The following GRM7 variants were observed in gnomAD, a reference collection of about 807,000 sequenced individuals.
GRM7 encodes glutamate metabotropic receptor 7.
Under a neutral mutation model 84.5 loss-of-function variants are expected in GRM7, and 35 were observed. The ratio of observed to expected loss-of-function variants is 0.41; its 90% CI spans 0.32 to 0.55. The LOEUF (loss-of-function observed/expected upper bound fraction) is 0.55. GRM7 is among the 20% of genes least tolerant of loss of function. GRM7 has a pLI of 0.19. For missense variants in GRM7, 1,003 were observed against 1,194.6 expected (o/e 0.84, Z 2.36); for synonymous variants, 487 against 455.1 (o/e 1.07, Z -0.89).
At chr3:7,391,924 GA>G (rs2125143615) in intron 4 of GRM7, among the ~76,000 whole-genome samples, 1 of 152,248 alleles carries the variant, frequency 6.6e-6, no homozygotes, top group Non-Finnish European at 1.5e-5. Context: ...CCCAGGCCCT[GA>G]TGGGAAGAGG....
At chr3:7,677,294 A>C (rs948902895) in intron 8 of GRM7, among the ~76,000 whole-genome samples, 3 of 150,324 alleles carry the variant, frequency 2.0e-5, no homozygotes, top group African/African-American at 4.9e-5. Flanking sequence ...AAAAAAAAAA[A>C]CTTACATATT....
chr3:7,236,017 A>C (rs1270351499), intron 2 of GRM7, among the ~76,000 whole-genome samples: 1 of 152,176 alleles, frequency 6.6e-6, no homozygotes, highest in East Asian at 1.9e-4. Flanking sequence ...CAGACACTGC[A>C]TCTGGTGGGA....
intron 1 of GRM7, among the ~76,000 whole-genome samples, chr3:7,077,810 A>G (rs911348152): frequency 6.6e-6 from 1 of 152,158 alleles, no homozygotes; most frequent in African/African-American, 2.4e-5. Context: ...AATGGGAGCT[A>G]TTATTTTTAA....
Position 7,298,847 on chromosome 3 carries a change from T to G in GRM7, c.878+22T>G, listed in dbSNP as rs753854033. The G allele has an allele frequency of 1.9e-6, 3 of 1,603,188 alleles. No individual in the cohort carries two copies. In the South Asian group the frequency reaches 3.3e-5, roughly 18 times the overall value. ...TAAAGTAAGAATAACTGGTGACAATTGTTAATATGCATGTTGCAATTTTAG... is the reference window on the plus strand; with the variant it reads ...TAAAGTAAGAATAACTGGTGACAATGGTTAATATGCATGTTGCAATTTTAG... On this transcript the variant is annotated intron_variant, in intron 3 of 9. Transcript: ENST00000357716.
At chr3:7,032,327 A>G (rs1230201618) in intron 1 of GRM7, among the ~76,000 whole-genome samples, 1 of 152,178 alleles carries the variant, frequency 6.6e-6, no homozygotes, top group Non-Finnish European at 1.5e-5. Flanking sequence ...CCTGTGAGTT[A>G]TTTGGTTAGA....
intron 7 of GRM7, among the ~76,000 whole-genome samples, chr3:7,481,704 A>G (rs551379946): frequency 6.6e-6 from 1 of 152,316 alleles, no homozygotes; most frequent in South Asian, 2.1e-4. Context: ...CAGGAAAGTA[A>G]AAGAACTCTT....
intron 7 of GRM7, among the ~76,000 whole-genome samples, chr3:7,542,875 A>C (rs1251527227): frequency 2.0e-5 from 3 of 152,170 alleles, no homozygotes; most frequent in South Asian, 4.1e-4. Context: ...TTATAAATAA[A>C]TTATAAATTT....
intron 2 of GRM7, among the ~76,000 whole-genome samples, chr3:7,265,795 T>C (rs561329911): frequency 6.6e-6 from 1 of 152,314 alleles, no homozygotes; most frequent in South Asian, 2.1e-4. Context: ...CTTTCTTTGT[T>C]CCTTTCTAAG....
intron 1 of GRM7, among the ~76,000 whole-genome samples, chr3:7,065,758 T>G (rs1258511643): frequency 6.6e-6 from 1 of 151,886 alleles, no homozygotes; most frequent in East Asian, 1.9e-4. Flanking sequence ...GAGATTGCAT[T>G]GAATTTGTAG....
chr3:7,183,154 A>C (rs1365073561), intron 2 of GRM7, among the ~76,000 whole-genome samples: 1 of 152,086 alleles, frequency 6.6e-6, no homozygotes, highest in Non-Finnish European at 1.5e-5. Context: ...TATTTTTCAA[A>C]GTTTCACGTA....
intron 4 of GRM7, among the ~76,000 whole-genome samples, chr3:7,355,499 C>T (rs973306110): frequency 1.3e-5 from 2 of 152,068 alleles, no homozygotes; most frequent in South Asian, 2.1e-4. Flanking sequence ...GTAGGTGAAT[C>T]GCAGCAGATG....
intron 1 of GRM7, among the ~76,000 whole-genome samples, chr3:7,003,104 G>T (rs979583028): frequency 2.0e-5 from 3 of 152,116 alleles, no homozygotes; most frequent in African/African-American, 7.2e-5. Flanking sequence ...AAGTGGGATG[G>T]GGAATCTGGA....
intron 2 of GRM7, among the ~76,000 whole-genome samples, chr3:7,198,040 T>C (rs1468111571): frequency 6.6e-6 from 1 of 151,974 alleles, no homozygotes; most frequent in East Asian, 1.9e-4. Context: ...GGTTTTGTTT[T>C]GGAAGTAGTG....
At chr3:7,324,746 G>A (rs965814457) in intron 4 of GRM7, among the ~76,000 whole-genome samples, 3 of 151,812 alleles carry the variant, frequency 2.0e-5, no homozygotes, top group Non-Finnish European at 4.4e-5. Flanking sequence ...TCAAGTTCCC[G>A]GGAACCATCT....
At chr3:7,297,585 A>C (rs2125019737) in intron 2 of GRM7, among the ~76,000 whole-genome samples, 1 of 152,286 alleles carries the variant, frequency 6.6e-6, no homozygotes, top group African/African-American at 2.4e-5. Context: ...AGCTAACACT[A>C]ATTGGGATTC....
intron 8 of GRM7, among the ~76,000 whole-genome samples, chr3:7,655,659 TC>T (rs913341402): frequency 1.3e-5 from 2 of 152,154 alleles, no homozygotes; most frequent in African/African-American, 4.8e-5. Flanking sequence ...GGCATCTATC[TC>T]CCTTACTACC....
At chr3:7,326,358 C>A (rs1223606691) in intron 4 of GRM7, among the ~76,000 whole-genome samples, 1 of 151,924 alleles carries the variant, frequency 6.6e-6, no homozygotes, top group East Asian at 1.9e-4. Context: ...CTTTTATGTT[C>A]TTTTAAACTG....
chr3:7,210,051 GTT>G (rs767598160), intron 2 of GRM7, among the ~76,000 whole-genome samples: 1 of 152,142 alleles, frequency 6.6e-6, no homozygotes, highest in African/African-American at 2.4e-5. Flanking sequence ...TTAATAAAAT[GTT>G]TCTGTTCAGT....
At chr3:7,126,467 C>G (rs779271513) in intron 1 of GRM7, among the ~76,000 whole-genome samples, 1 of 152,064 alleles carries the variant, frequency 6.6e-6, no homozygotes, top group African/African-American at 2.4e-5. Flanking sequence ...TATGAAACCC[C>G]GAAGGTTTGT....
Sources: gnomAD v4.1 joint callset for allele counts (sites outside exome capture counted in the v4.1 genomes callset) on GRCh38, gnomAD v4.1.1 for gene constraint, MANE v1.5 for transcripts, NCBI Gene and HGNC (gene_info 2026-07-23, HGNC 2026-07-21) for gene names.